The following DCHS2 variants were observed in gnomAD, a reference collection of about 807,000 sequenced individuals.
The protein encoded by DCHS2 is dachsous cadherin-related 2, also known as protocadherin-23.
A neutral mutation model predicts 182.4 loss-of-function variants in DCHS2; 142 were observed. That is an observed-to-expected ratio of 0.78 (90% CI 0.68 to 0.89). DCHS2 has a LOEUF of 0.89. Ranked by LOEUF, DCHS2 falls within the 40% of genes least tolerant of loss-of-function variation. DCHS2 has a pLI of 0.00. For missense variants in DCHS2, 4,319 were observed against 4,198.6 expected, an observed-to-expected ratio of 1.03 and a Z score of -0.79; for synonymous variants, 1,740 against 1,663.3, an observed-to-expected ratio of 1.05 and a Z score of -1.12.
At chr4:154,433,858 T>C (rs757041955) in intron 1 of DCHS2, among the ~76,000 whole-genome samples, 36 of 152,178 alleles carry the variant, frequency 2.4e-4, no homozygotes, top group Non-Finnish European at 4.0e-4. Context: ...CATGCCTTCA[T>C]ATATAGTCAC....
At chr4:154,283,674 G>A (rs1734261236) in intron 13 of DCHS2, among the ~76,000 whole-genome samples, 1 of 152,180 alleles carries the variant, frequency 6.6e-6, no homozygotes, top group South Asian at 2.1e-4. Flanking sequence ...ATCCCTAGAT[G>A]TTCCAACTAT....
Position 154,489,973 on chromosome 4 carries a change from AC to A in DCHS2, c.1382del (p.Gly461ValfsTer59). The A allele has an allele frequency of 8.4e-6, 13 of 1,548,288 alleles. No homozygotes were observed. Among genetic ancestry groups the A allele is most frequent in the Non-Finnish European group, 1.1e-5 (13 of 1,145,344 alleles). On this transcript the variant is annotated frameshift_variant, in exon 1 of 20. Coordinates refer to ENST00000357232, the MANE Select transcript of DCHS2 (RefSeq NM_001358235.2). LOFTEE classifies it high-confidence loss of function. ...EDEATGELGV[G>X]LGDGSISLSL... ...ACAGAGAGATGCTCCCGTCTCCAAGACCCACACCAAGCTCCCCTGTGGCCTC... is the reference window on the plus strand; with the variant it reads ...ACAGAGAGATGCTCCCGTCTCCAAGACCACACCAAGCTCCCCTGTGGCCTC...
chr4:154,328,397 A>G (rs1736383739), intron 6 of DCHS2, among the ~76,000 whole-genome samples: 1 of 152,198 alleles, frequency 6.6e-6, no homozygotes, highest in Non-Finnish European at 1.5e-5. Flanking sequence ...CTTTTATTCA[A>G]TTAGAATGAA....
chr4:154,433,376 A>T (rs1299838601), intron 1 of DCHS2, among the ~76,000 whole-genome samples: 1 of 142,472 alleles, frequency 7.0e-6, no homozygotes, highest in African/African-American at 2.6e-5. Flanking sequence ...GAAAACAAAT[A>T]ACTAGTTTTT....
At chr4:154,489,253 C>A in intron 1 of DCHS2, 51 bp downstream of exon 1, 3 of 1,405,052 alleles carry the variant, frequency 2.1e-6, no homozygotes, top group East Asian at 5.0e-5. Flanking sequence ...TCACAACCCT[C>A]TCCATCCCTT....
At chr4:154,483,291 G>C (rs1016463917) in intron 1 of DCHS2, among the ~76,000 whole-genome samples, 1 of 152,136 alleles carries the variant, frequency 6.6e-6, no homozygotes, top group African/African-American at 2.4e-5. Flanking sequence ...AAAAAATCTA[G>C]ATTAAAAAAT....
At chr4:154,300,371 C>T (rs1295721097) in intron 12 of DCHS2, among the ~76,000 whole-genome samples, 1 of 152,078 alleles carries the variant, frequency 6.6e-6, no homozygotes, top group Non-Finnish European at 1.5e-5. Context: ...AGAATAGTAT[C>T]GAGGCAGCAA....
At position 154,377,174 on chromosome 4, in the gene DCHS2, A is replaced by G. The variant is rs1287902845; in HGVS notation, c.2244+79T>C. On this transcript the variant is annotated intron_variant, in intron 2 of 19. Transcript: ENST00000357232. ...AAACAGAATGACCCAATTGTTGATC[A>G]TCATTGGTCCTCTGTGATGTATACA... 9 of 1,366,044 alleles carry G rather than the reference A, an allele frequency of 6.6e-6. No individual in the cohort carries two copies. In the African/African-American group the frequency reaches 8.7e-5, roughly 13 times the overall value. 84.6% of individuals were successfully genotyped at this position (1,366,044 alleles called of 1,614,324 possible). A position where few individuals can be genotyped will look rare whatever the true frequency, so the allele number is the denominator to read the frequency against.
At position 154,239,311 on chromosome 4, in the gene DCHS2, A is replaced by C. The variant is rs1731688416; in HGVS notation, c.7360-9T>G. ...GATTCAGGAACTGTGACCTGAGGGA[A>C]AAAGAGAAAAATAGGGACATTGTGC... On this transcript the variant is annotated splice_polypyrimidine_tract_variant and intron_variant, in intron 18 of 19. Transcript: ENST00000357232. 2 of 1,611,850 alleles carry C rather than the reference A, an allele frequency of 1.2e-6. No individual in the cohort carries two copies. The highest frequency in any genetic ancestry group is 4.5e-5 in the East Asian group (2 of 44,752).
At chr4:154,400,690 T>C (rs1291884995) in intron 1 of DCHS2, among the ~76,000 whole-genome samples, 2 of 152,206 alleles carry the variant, frequency 1.3e-5, no homozygotes, top group Non-Finnish European at 2.9e-5. Context: ...TTCCTTAAAA[T>C]CTGCCTTAGA....
chr4:154,310,768 C>T (rs1013340126), intron 10 of DCHS2, among the ~76,000 whole-genome samples: 5 of 152,262 alleles, frequency 3.3e-5, no homozygotes, highest in Non-Finnish European at 2.9e-5. Flanking sequence ...CTGTTGACAT[C>T]ATCTAGTTGG....
intron 13 of DCHS2, among the ~76,000 whole-genome samples, chr4:154,270,241 A>G (rs1206435150): frequency 6.6e-6 from 1 of 152,190 alleles, no homozygotes; most frequent in Non-Finnish European, 1.5e-5. Context: ...TAACTTGTGT[A>G]AGGAGACAGA....
At chr4:154,472,861 T>C (rs1250672201) in intron 1 of DCHS2, among the ~76,000 whole-genome samples, 2 of 152,104 alleles carry the variant, frequency 1.3e-5, no homozygotes, top group East Asian at 1.9e-4. Flanking sequence ...AATCTCTCAA[T>C]TGACTTCATT....
At chr4:154,325,888 T>A (rs761454007) in intron 7 of DCHS2, among the ~76,000 whole-genome samples, 1 of 152,250 alleles carries the variant, frequency 6.6e-6, no homozygotes, top group Non-Finnish European at 1.5e-5. Flanking sequence ...AGCTGCTGTT[T>A]GCGTCAAATT....
intron 14 of DCHS2, 56 bp from the exon 15 acceptor site, chr4:154,259,812 T>C: frequency 6.8e-7 from 1 of 1,471,772 alleles, no homozygotes; most frequent in African/African-American, 1.4e-5. Flanking sequence ...TATTCTTTTA[T>C]TTTTTATTTT....
intron 13 of DCHS2, among the ~76,000 whole-genome samples, chr4:154,281,596 C>G (rs536576630): frequency 2.6e-4 from 40 of 152,068 alleles, no homozygotes; most frequent in African/African-American, 9.6e-4. Context: ...TTAAAGTGAC[C>G]ATAGTATCAA....
At chr4:154,368,266 T>C (rs1042265409) in intron 2 of DCHS2, among the ~76,000 whole-genome samples, 1 of 152,204 alleles carries the variant, frequency 6.6e-6, no homozygotes, top group Non-Finnish European at 1.5e-5. Context: ...CAGACCCTGC[T>C]GCTGCTCGAA....
At chr4:154,403,726 A>G (rs888233646) in intron 1 of DCHS2, among the ~76,000 whole-genome samples, 7 of 152,140 alleles carry the variant, frequency 4.6e-5, no homozygotes, top group African/African-American at 1.7e-4. Flanking sequence ...CCAGTAAACT[A>G]TTTGGGCCTG....
chr4:154,358,649 A>G (rs1314775423), intron 3 of DCHS2, among the ~76,000 whole-genome samples: 1 of 152,146 alleles, frequency 6.6e-6, no homozygotes, highest in Non-Finnish European at 1.5e-5. Flanking sequence ...GGGAAGTATT[A>G]GGATAAAGCT....
Sources: allele counts gnomAD v4.1 joint callset (sites outside exome capture counted in the v4.1 genomes callset), GRCh38; gene constraint gnomAD v4.1.1; transcripts MANE v1.5; gene names NCBI Gene and HGNC (gene_info 2026-07-23, HGNC 2026-07-21).